MUC5B: variants seen among roughly 807,000 people sequenced by gnomAD.
MUC5B encodes mucin-5B.
In MUC5B, 116 loss-of-function variants were observed where a neutral mutation model predicts 376.9. The ratio of observed to expected loss-of-function variants is 0.31; its 90% CI spans 0.26 to 0.36. The LOEUF is 0.36. MUC5B is among the 10% of genes least tolerant of loss of function. The probability of loss-of-function intolerance (pLI) is 1.00; values close to 1 mark genes in which losing one functional copy is unlikely to be tolerated. For synonymous variants in MUC5B, 3,517 were observed against 3,390.9 expected (o/e 1.04, Z -1.29); for missense variants, 7,165 against 7,769.9 (o/e 0.92, Z 2.93).
chr11:1,237,197 TG>T, intron 25 of MUC5B, 33 bp downstream of exon 25: 1 of 1,381,150 alleles, frequency 7.2e-7, no homozygotes, highest in South Asian at 1.9e-5. Context: ...CAGGGTCTGG[TG>T]GGGATGGCAG....
Position 1,250,340 on chromosome 11 carries a change from C to A in MUC5B, c.13460C>A (p.Thr4487Lys), listed in dbSNP as rs1293731433. 3 of 1,613,394 alleles carry A rather than the reference C, an allele frequency of 1.9e-6. No homozygotes were observed. The highest frequency in any genetic ancestry group is 2.7e-5 in the African/African-American group (2 of 74,810). Reference protein sequence around the residue: ...GTPHVSTTATTPTVTSSKATP... With the variant: ...GTPHVSTTATKPTVTSSKATP... ...CCACATGTGAGCACCACGGCCACGACACCCACAGTCACCAGCTCCAAAGCC... is the reference window on the plus strand; with the variant it reads ...CCACATGTGAGCACCACGGCCACGAAACCCACAGTCACCAGCTCCAAAGCC... Residue 4487 changes from threonine (T) to lysine (K), a missense_variant, in exon 31 of 49, where the codon ACA (threonine) becomes AAA (lysine). Thr to Lys is a moderately conservative substitution (Grantham distance 78). This residue lies in a region of MUC5B where 431 missense variants were observed against 390.4 expected (regional missense o/e 1.10). Transcript: ENST00000529681.
Position 1,236,495 on chromosome 11 carries a change from C to T in MUC5B, c.2990C>T (p.Thr997Ile), listed in dbSNP as rs1341614876. ...ATGGGGATCTTCCTGGTCATCGAGA[C>T]CCACGGGATGGCCGTGTCCTGGGAC... ...RYMGIFLVIE[T>I]HGMAVSWDRK... Residue 997 changes from threonine to isoleucine, a missense_variant, in exon 24 of 49, where the codon ACC becomes ATC. Thr to Ile is a moderately conservative substitution (Grantham distance 89). Around this residue, in one of 31 missense-constraint regions of MUC5B, gnomAD observed 530 missense variants for 604.0 expected, o/e 0.88. Coordinates refer to ENST00000529681, the MANE Select transcript of MUC5B (RefSeq NM_002458.3). 3 of 1,613,014 alleles carry T rather than the reference C, an allele frequency of 1.9e-6. No homozygotes were observed. Among genetic ancestry groups the T allele is most frequent in the African/African-American group, 2.7e-5 (2 of 74,928 alleles).
At position 1,242,874 on chromosome 11, in the gene MUC5B, C is replaced by A. The variant is rs758841082; in HGVS notation, c.5994C>A (p.Thr1998=). 11 of 1,613,610 alleles carry A rather than the reference C, an allele frequency of 6.8e-6. No individual in the cohort carries two copies. The highest frequency in any genetic ancestry group is 9.3e-6 in the Non-Finnish European group (11 of 1,179,812). ...LGTTWTRLSQ[T]TTPTATMSTA... ...CCACCTGGACCCGCCTATCACAGAC[C>A]ACCACACCCACGGCCACCATGTCCA... The change falls in exon 31 of 49, where the codon ACC becomes ACA. Residue 1998 remains threonine (T), a synonymous_variant. Transcript: ENST00000529681.
chr11:1,242,654 C>T lies in MUC5B; in HGVS notation c.5774C>T (p.Thr1925Ile), dbSNP rs767679878. ...ACTGCGTCCACTGGATCCACGGCCA[C>T]CCCGACCTCCACCCTGAGAACAGCT... is the stretch of plus-strand genomic sequence containing the variant. Reference protein sequence around the residue: ...TTTASTGSTATPTSTLRTAPP... With the variant: ...TTTASTGSTAIPTSTLRTAPP... Residue 1925 changes from threonine to isoleucine, a missense_variant, in exon 31 of 49, where the codon ACC becomes ATC. Thr to Ile is a moderately conservative substitution (Grantham distance 89, BLOSUM62 -1). This residue lies in a region of MUC5B where 897 missense variants were observed against 779.6 expected (regional missense o/e 1.15). Transcript: ENST00000529681. The T allele has an allele frequency of 6.8e-6, 11 of 1,613,762 alleles. No homozygotes were observed. In the East Asian group the frequency reaches 1.6e-4, roughly 23 times the overall value.
At position 1,234,353 on chromosome 11, in the gene MUC5B, T is replaced by C. The variant is rs888924723; in HGVS notation, c.2478+48T>C. The C allele has an allele frequency of 3.9e-6, 6 of 1,536,332 alleles. No individual in the cohort carries two copies. The Admixed American group carries it at 9.5e-5, about 24-fold the overall frequency. ...GGGTGGGCAGGGAAGGGGTCCCAGC[T>C]TTCCCAGCTCCCGAGCCCAGGGATC... is the stretch of plus-strand genomic sequence containing the variant. On this transcript the variant is annotated intron_variant, in intron 20 of 48. Transcript: ENST00000529681. The surrounding 1 kb of genome is among the most constrained non-coding windows in gnomAD (Gnocchi z 6.3).
In MUC5B at chr11:1,230,067, A is replaced by G; in HGVS notation, c.1283A>G (p.Gln428Arg). Residue 428 changes from glutamine (Q) to arginine (R), a missense_variant, in exon 11 of 49, where the codon CAG becomes CGG. By Grantham distance (43) the Gln-to-Arg change is conservative. This residue lies in a region of MUC5B where 640 missense variants were observed against 733.0 expected (regional missense o/e 0.87). Coordinates refer to ENST00000529681, the MANE Select transcript of MUC5B (RefSeq NM_002458.3). Reference sequence around the variant, plus strand: ...CCGTGCCCTGGCACCTGCTCTGTGCAGGGCGGGGCCCACATCTCCACCTAT... The same window carrying G: ...CCGTGCCCTGGCACCTGCTCTGTGCGGGGCGGGGCCCACATCTCCACCTAT... Reference protein sequence around the residue: ...DLPCPGTCSVQGGAHISTYDE... With the variant: ...DLPCPGTCSVRGGAHISTYDE... 6.2e-7 allele frequency: 1 copy of G among 1,612,008 alleles called. No homozygotes were observed. Among genetic ancestry groups the G allele is most frequent in the Non-Finnish European group, 8.5e-7 (1 of 1,179,506 alleles).
intron 23 of MUC5B, 116 bp from the exon 24 acceptor site, chr11:1,236,269 CG>C: frequency 9.9e-7 from 1 of 1,006,362 alleles, no homozygotes; most frequent in Non-Finnish European, 1.4e-6. Context: ...TAACGCCAGC[CG>C]CTTGTGCTAA....
At chr11:1,260,784 G>T in intron 48 of MUC5B, 56 bp downstream of exon 48, 1 of 1,349,328 alleles carries the variant, frequency 7.4e-7, no homozygotes. Context: ...GGTCCGCCCT[G>T]GCCCGTCAGC....
intron 36 of MUC5B, 54 bp downstream of exon 36, chr11:1,255,320 T>C (rs887713726): frequency 3.3e-6 from 5 of 1,514,372 alleles, no homozygotes; most frequent in East Asian, 2.5e-5. Flanking sequence ...CCCGCCCGCA[T>C]GCACGCACGC....
rs1350624664 is a variant in MUC5B, at chr11:1,250,201, T to C, written c.13321T>C (p.Ser4441Pro). 1 of 1,608,952 alleles carries C rather than the reference T, an allele frequency of 6.2e-7. No homozygotes were observed. The part of the protein sequence containing the change: ...TASTGSTATP[S>P]STPGTTWILT... ...GTCCACTGGATCCACGGCCACCCCG[T>C]CCTCCACCCCAGGGACCACCTGGAT... Residue 4441 changes from serine (S) to proline (P), a missense_variant, in exon 31 of 49, where the codon TCC becomes CCC. Ser to Pro is a moderately conservative substitution (Grantham distance 74). Around this residue, in one of 31 missense-constraint regions of MUC5B, gnomAD observed 431 missense variants for 390.4 expected, o/e 1.10. Coordinates refer to ENST00000529681, the MANE Select transcript of MUC5B (RefSeq NM_002458.3).
At chr11:1,251,878 C>T (rs1384213961) in intron 31 of MUC5B, 135 bp downstream of exon 31, 19 of 690,168 alleles carry the variant, frequency 2.8e-5, no homozygotes, top group Middle Eastern at 4.0e-4. Flanking sequence ...TGGCCCCTCC[C>T]GGCCACACTG....
intron 3 of MUC5B, 100 bp downstream of exon 3, chr11:1,226,376 T>C (rs754620420): frequency 2.1e-6 from 3 of 1,439,914 alleles, no homozygotes; most frequent in South Asian, 2.4e-5. Context: ...GGTGGGGCCG[T>C]TGGGCCAGAC....
chr11:1,235,797 C>A (rs1216983098), intron 23 of MUC5B, among the ~76,000 whole-genome samples: 2 of 150,042 alleles, frequency 1.3e-5, no homozygotes, highest in African/African-American at 2.4e-5. Context: ...GATTTAGGGC[C>A]CCCCCCCGCC....
intron 12 of MUC5B, 92 bp downstream of exon 12, chr11:1,230,692 G>A (rs56146727): frequency 6.7e-6 from 8 of 1,187,018 alleles, no homozygotes; most frequent in African/African-American, 3.1e-5. Context: ...CTCCAGCCCC[G>A]AGGCCAGGTC....
chr11:1,256,869 C>A, intron 39 of MUC5B, 98 bp downstream of exon 39: 1 of 963,096 alleles, frequency 1.0e-6, no homozygotes, highest in Non-Finnish European at 1.5e-6. Context: ...GCTCTCCCCT[C>A]TCCCCAGCTG....
rs753546555 is a variant in MUC5B at position 1,242,920 on chromosome 11, C to T, written c.6040C>T (p.Pro2014Ser). 1.2e-6 allele frequency: 2 copies of T among 1,613,198 alleles called. No individual in the cohort carries two copies. Among genetic ancestry groups the T allele is most frequent in the Non-Finnish European group, 1.7e-6 (2 of 1,179,336 alleles). ...GTCCACAGCCACACCCTCCTCCACTCCAGAGACTGCCCACACCTCCACAGT... is the reference window on the plus strand; with the variant it reads ...GTCCACAGCCACACCCTCCTCCACTTCAGAGACTGCCCACACCTCCACAGT... Reference protein sequence around the residue: ...TMSTATPSSTPETAHTSTVLT... With the variant: ...TMSTATPSSTSETAHTSTVLT... The change falls in exon 31 of 49, where the codon CCA becomes TCA. Residue 2014 changes from proline (P) to serine (S), a missense_variant. This residue lies in a region of MUC5B where 897 missense variants were observed against 779.6 expected (regional missense o/e 1.15). Transcript: ENST00000529681.
Position 1,234,466 on chromosome 11 carries a change from G to C in MUC5B, c.2479-63G>C. The C allele has an allele frequency of 1.3e-6, 2 of 1,542,394 alleles. No individual in the cohort carries two copies. Among genetic ancestry groups the C allele is most frequent in the Non-Finnish European group, 1.8e-6 (2 of 1,142,148 alleles). On this transcript the variant is annotated intron_variant, in intron 20 of 48. Coordinates refer to ENST00000529681, the MANE Select transcript of MUC5B (RefSeq NM_002458.3). This position sits in a 1 kb window ranked among gnomAD's most constrained non-coding sequence, Gnocchi z 6.3. ...TGCTGCTGGGTGCGCCTGTCCCAGAGGGTGAGTGACATCTGCCCACCCTGG... is the reference window on the plus strand; with the variant it reads ...TGCTGCTGGGTGCGCCTGTCCCAGACGGTGAGTGACATCTGCCCACCCTGG...
intron 37 of MUC5B, 78 bp from the exon 38 acceptor site, chr11:1,256,074 CTGAG>C: frequency 1.5e-6 from 1 of 670,496 alleles, no homozygotes; most frequent in Non-Finnish European, 2.7e-6. Flanking sequence ...CTCGGCCTCT[CTGAG>C]TGTCCTGTGC....
chr11:1,226,461 G>A (rs1352362448), intron 3 of MUC5B, 154 bp from the exon 4 acceptor site: 22 of 1,301,426 alleles, frequency 1.7e-5, no homozygotes, highest in Non-Finnish European at 2.1e-5. Context: ...GGGTCTTGGA[G>A]CAAAACAGAC....
Sources: allele counts gnomAD v4.1 joint callset (sites outside exome capture counted in the v4.1 genomes callset), GRCh38; gene constraint gnomAD v4.1.1; regional missense constraint gnomAD v4.1.1; non-coding constraint Gnocchi (gnomAD v3.1); transcripts MANE v1.5; gene names NCBI Gene and HGNC (gene_info 2026-07-23, HGNC 2026-07-21).